LOC102723971: variants seen among roughly 807,000 people sequenced by gnomAD.
At chr9:135,614,440 G>T in the LOC102723971 span, 15 of 380,790 alleles carry the variant, frequency 3.9e-5, no homozygotes, top group East Asian at 5.5e-4. Flanking sequence ...GGGCAGACAG[G>T]GGGGTGCCGG....
At chr9:135,619,018 C>A in the LOC102723971 span, 1 of 403,190 alleles carries the variant, frequency 2.5e-6, no homozygotes, top group South Asian at 1.2e-4. Flanking sequence ...CCCTCAGCCT[C>A]CCTTCCACCT....
At chr9:135,614,323 G>A in the LOC102723971 span, 16 of 398,666 alleles carry the variant, frequency 4.0e-5, no homozygotes, top group African/African-American at 2.5e-4. Context: ...AAGAGGTACC[G>A]GTACAGCCGG....
At chr9:135,616,712 G>A in the LOC102723971 span, 6 of 398,556 alleles carry the variant, frequency 1.5e-5, no homozygotes, top group African/African-American at 1.2e-4. Context: ...GGAGGGGCGA[G>A]CAAGGGGCGC....
At chr9:135,617,548 G>A in the LOC102723971 span, among the ~76,000 whole-genome samples, 3 of 152,260 alleles carry the variant, frequency 2.0e-5, no homozygotes, top group South Asian at 2.1e-4. Flanking sequence ...GTGGGGGAGC[G>A]GGGCAGCAGC....
the LOC102723971 span, chr9:135,617,850 G>A: frequency 5.0e-6 from 2 of 397,148 alleles, no homozygotes; most frequent in Non-Finnish European, 8.9e-6. Context: ...CGATGCCCAG[G>A]GCCTCTGCCT....
the LOC102723971 span, chr9:135,614,448 C>T: frequency 8.5e-6 from 3 of 352,032 alleles, no homozygotes; most frequent in African/African-American, 2.1e-5. Flanking sequence ...AGGGGGGTGC[C>T]GGGGTTCAGA....
the LOC102723971 span, chr9:135,614,220 G>A: frequency 7.0e-4 from 278 of 398,522 alleles, 1 homozygote; most frequent in African/African-American, 5.1e-3. Context: ...GGCTAGGGAC[G>A]CTCCCCCTTC....
At chr9:135,616,736 C>T in the LOC102723971 span, 10 of 398,474 alleles carry the variant, frequency 2.5e-5, no homozygotes, top group Admixed American at 4.4e-5. Context: ...GATGTCCAGT[C>T]CCGGCCGCAA....
the LOC102723971 span, among the ~76,000 whole-genome samples, chr9:135,614,535 C>T: frequency 6.6e-6 from 1 of 152,130 alleles, no homozygotes; most frequent in Non-Finnish European, 1.5e-5. Context: ...GCTCTGTCCT[C>T]CCGCGCAGCC....
At chr9:135,618,411 C>T in the LOC102723971 span, among the ~76,000 whole-genome samples, 1 of 151,886 alleles carries the variant, frequency 6.6e-6, no homozygotes, top group African/African-American at 2.4e-5. Context: ...AACAAGCACA[C>T]GGGCCAGGCC....
the LOC102723971 span, among the ~76,000 whole-genome samples, chr9:135,617,473 G>A: frequency 2.6e-5 from 4 of 152,268 alleles, no homozygotes; most frequent in East Asian, 7.7e-4. Flanking sequence ...AAGACGAGGT[G>A]GAGATAGATG....
chr9:135,616,411 G>A, the LOC102723971 span, among the ~76,000 whole-genome samples: 12,556 of 152,226 alleles, frequency 0.082, 613 homozygotes, highest in South Asian at 0.16. Context: ...GTGCCAGGAC[G>A]AGGCTGCCCT....
the LOC102723971 span, chr9:135,616,700 G>A: frequency 2.5e-6 from 1 of 398,612 alleles, no homozygotes; most frequent in African/African-American, 2.1e-5. Flanking sequence ...GGCTCTGAGT[G>A]GGGAGGGGCG....
At chr9:135,616,790 G>GA in the LOC102723971 span, 1 of 398,478 alleles carries the variant, frequency 2.5e-6, no homozygotes, top group Non-Finnish European at 4.4e-6. Context: ...CCGGGTGCTG[G>GA]AAGGAAGCTG....
At chr9:135,616,605 A>T in the LOC102723971 span, 1 of 398,722 alleles carries the variant, frequency 2.5e-6, no homozygotes, top group South Asian at 1.3e-4. Context: ...GGGTGTGTAA[A>T]GAAACAAACA....
chr9:135,617,754 G>A, the LOC102723971 span, among the ~76,000 whole-genome samples: 2 of 152,152 alleles, frequency 1.3e-5, no homozygotes, highest in East Asian at 1.9e-4. Context: ...ATCAGAGCTG[G>A]CCGGGCCTGG....
At chr9:135,618,093 C>T in the LOC102723971 span, 6 of 398,550 alleles carry the variant, frequency 1.5e-5, no homozygotes, top group Non-Finnish European at 2.2e-5. Context: ...GGAAGAGGGC[C>T]TGAGGGTCTG....
the LOC102723971 span, among the ~76,000 whole-genome samples, chr9:135,617,500 A>G: frequency 6.6e-6 from 1 of 151,382 alleles, no homozygotes; most frequent in Non-Finnish European, 1.5e-5. Flanking sequence ...GGGGCATTTC[A>G]GGGCAGAGGA....
chr9:135,618,546 G>A, the LOC102723971 span, among the ~76,000 whole-genome samples: 2 of 151,966 alleles, frequency 1.3e-5, no homozygotes, highest in Non-Finnish European at 2.9e-5. Context: ...GGGGGTGGGA[G>A]TGGGGGCTAG....
Sources: allele counts gnomAD v4.1 joint callset (sites outside exome capture counted in the v4.1 genomes callset), GRCh38; gene constraint gnomAD v4.1.1; transcripts MANE v1.5.